IGLL1: variants seen among roughly 807,000 people sequenced by gnomAD.
The protein encoded by IGLL1 is immunoglobulin lambda-like polypeptide 1.
A neutral mutation model predicts 10.5 loss-of-function variants in IGLL1; 10 were observed. The observed-to-expected ratio is 0.95, with a 90% CI of 0.59 to 1.62. IGLL1 has a LOEUF of 1.62. Among genes scored for constraint, IGLL1 ranks in the 40% most tolerant of loss-of-function variants. IGLL1 has a pLI of 0.00. For missense variants in IGLL1, 284 were observed against 278.7 expected (o/e 1.02, Z -0.14); for synonymous variants, 141 against 122.7 (o/e 1.15, Z -0.99).
At chr22:23,575,820 G>C (rs754686830) in intron 1 of IGLL1, among the ~76,000 whole-genome samples, 7 of 152,100 alleles carry the variant, frequency 4.6e-5, no homozygotes, top group African/African-American at 9.7e-5. Flanking sequence ...TGGTGTCTCC[G>C]CTGGATGCGA....
Position 23,580,260 on chromosome 22 carries a change from T to C in IGLL1, c.-70A>G. On this transcript the variant is annotated 5_prime_UTR_variant, in exon 1 of 3. Coordinates refer to ENST00000330377, the MANE Select transcript of IGLL1 (RefSeq NM_020070.4). ...GGCTCCCTAGAGAGTGGTGCCCTGGTCCCTCTCGCTGGCAGCAGCTGTCCC... is the reference window on the plus strand; with the variant it reads ...GGCTCCCTAGAGAGTGGTGCCCTGGCCCCTCTCGCTGGCAGCAGCTGTCCC... 6.5e-7 allele frequency: 1 copy of C among 1,530,502 alleles called. No homozygotes were observed. The highest frequency in any genetic ancestry group is 8.7e-7 in the Non-Finnish European group (1 of 1,143,912). The allele number at this position is 1,530,502 out of a possible 1,614,324, so 94.8% of individuals were successfully genotyped here. A position where few individuals can be genotyped will look rare whatever the true frequency, so the allele number is the denominator to read the frequency against.
At position 23,573,342 on chromosome 22, in the gene IGLL1, C is replaced by G; in HGVS notation, c.566G>C (p.Arg189Pro). 6.2e-7 allele frequency: 1 copy of G among 1,613,996 alleles called. No individual in the cohort carries two copies. Among genetic ancestry groups the G allele is most frequent in the South Asian group, 1.1e-5 (1 of 91,074 alleles). The change falls in exon 3 of 3, where the codon CGC (arginine) becomes CCC (proline). Residue 189 changes from arginine to proline, a missense_variant. Transcript: ENST00000330377. ...LSLTPEQWRSRRSYSCQVMHE... is the reference protein window; with the variant it reads ...LSLTPEQWRSPRSYSCQVMHE... ...CATGACCTGGCAGCTGTAGCTTCTG[C>G]GGGACCTCCACTGCTCGGGCGTCAG... is the stretch of plus-strand genomic sequence containing the variant.
chr22:23,576,604 G>C (rs537783071), intron 1 of IGLL1, among the ~76,000 whole-genome samples: 1 of 152,056 alleles, frequency 6.6e-6, no homozygotes, highest in South Asian at 2.1e-4. Context: ...CTAATTTTTT[G>C]TATTTTCAGT....
chr22:23,580,262 C>T lies in IGLL1; in HGVS notation c.-72G>A, dbSNP rs2123706231. 1 of 1,530,130 alleles carries T rather than the reference C, an allele frequency of 6.5e-7. No individual in the cohort carries two copies. The highest frequency in any genetic ancestry group is 2.5e-5 in the East Asian group (1 of 40,736). The allele number at this position is 1,530,130 out of a possible 1,614,324, so 94.8% of individuals were successfully genotyped here. On this transcript the variant is annotated 5_prime_UTR_variant, in exon 1 of 3. Transcript: ENST00000330377. ...CTCCCTAGAGAGTGGTGCCCTGGTC[C>T]CTCTCGCTGGCAGCAGCTGTCCCAT...
chr22:23,576,198 G>C (rs1032876190), intron 1 of IGLL1, among the ~76,000 whole-genome samples: 4 of 151,740 alleles, frequency 2.6e-5, no homozygotes, highest in African/African-American at 9.7e-5. Flanking sequence ...CAACCCCTCA[G>C]CCAGAAACCT....
At position 23,573,433 on chromosome 22, in the gene IGLL1, C is replaced by T. The variant is rs139571703; in HGVS notation, c.475G>A (p.Gly159Ser). Reference protein sequence around the residue: ...WKADGTPITQGVEMTTPSKQS... With the variant: ...WKADGTPITQSVEMTTPSKQS... ...TTGGAGGGCGTGGTCATCTCCACGC[C>T]CTGGGTGATGGGGGTACCATCTGCC... Residue 159 changes from glycine to serine, a missense_variant, in exon 3 of 3, where the codon GGC (glycine) becomes AGC (serine). Coordinates refer to ENST00000330377, the MANE Select transcript of IGLL1 (RefSeq NM_020070.4). 54,796 of 1,612,944 alleles carry T rather than the reference C, an allele frequency of 0.034. 951 individuals are homozygous for T. The highest frequency in any genetic ancestry group is 0.045 in the South Asian group (4,100 of 91,056).
At chr22:23,576,580 G>C (rs1329375897) in intron 1 of IGLL1, among the ~76,000 whole-genome samples, 1 of 151,970 alleles carries the variant, frequency 6.6e-6, no homozygotes, top group African/African-American at 2.4e-5. Flanking sequence ...ACAGGCATGT[G>C]CCAGCACACT....
intron 1 of IGLL1, among the ~76,000 whole-genome samples, chr22:23,575,552 TTCCATCCGTCCGTCCA>T (rs1925015824): frequency 6.6e-6 from 1 of 152,226 alleles, no homozygotes; most frequent in Admixed American, 6.5e-5. Context: ...TGATCATTCA[TTCCATCCGTCCGTCCA>T]TCCATCTGTC....
Position 23,580,156 on chromosome 22 carries a change from G to T in IGLL1, c.35C>A (p.Ala12Asp), listed in dbSNP as rs775788164. The change falls in exon 1 of 3, where the codon GCC becomes GAC. Residue 12 changes from alanine (A) to aspartate (D), a missense_variant. Physicochemically the swap from Ala to Asp is moderately radical, Grantham distance 126. Coordinates refer to ENST00000330377, the MANE Select transcript of IGLL1 (RefSeq NM_020070.4). ...RPGTGQGGLE[A>D]PGEPGPNLRQ... ...GAGGTTGGGGCCTGGCTCACCAGGG[G>T]CCTCAAGGCCCCCCTGGCCTGTCCC... 1 of 1,549,052 alleles carries T rather than the reference G, an allele frequency of 6.5e-7. No individual in the cohort carries two copies. The highest frequency in any genetic ancestry group is 1.9e-5 in the Admixed American group (1 of 51,424).
intron 1 of IGLL1, among the ~76,000 whole-genome samples, chr22:23,575,935 C>G (rs550386926): frequency 2.9e-5 from 4 of 138,724 alleles, no homozygotes; most frequent in Admixed American, 1.4e-4. Flanking sequence ...TGCCTGGCTG[C>G]TGACTCCCCA....
intron 1 of IGLL1, among the ~76,000 whole-genome samples, chr22:23,576,799 A>C (rs1277358396): frequency 6.6e-6 from 1 of 152,196 alleles, no homozygotes; most frequent in Non-Finnish European, 1.5e-5. Context: ...CGTGGCACTA[A>C]GTACATTCAC....
intron 1 of IGLL1, among the ~76,000 whole-genome samples, chr22:23,576,257 G>GCGAACTTA (rs921369122): frequency 1.7e-4 from 25 of 149,768 alleles, no homozygotes; most frequent in Non-Finnish European, 1.8e-4. Flanking sequence ...AATGGCTTCT[G>GCGAACTTA]CGAACTTAGC....
At chr22:23,575,465 T>C (rs1416877742) in intron 1 of IGLL1, among the ~76,000 whole-genome samples, 3 of 152,134 alleles carry the variant, frequency 2.0e-5, no homozygotes, top group Admixed American at 6.5e-5. Flanking sequence ...CATTCCTGAC[T>C]CAAGAGGAGA....
chr22:23,577,942 C>T (rs1219087297), intron 1 of IGLL1, among the ~76,000 whole-genome samples: 3 of 148,650 alleles, frequency 2.0e-5, no homozygotes, highest in Non-Finnish European at 4.4e-5. Flanking sequence ...TGGAGTGCAG[C>T]GGTGCAATCT....
Position 23,580,241 on chromosome 22 carries a change from CT to C in IGLL1, c.-52del. The C allele has an allele frequency of 6.5e-7, 1 of 1,534,020 alleles. No homozygotes were observed. Among genetic ancestry groups the C allele is most frequent in the Non-Finnish European group, 8.7e-7 (1 of 1,146,162 alleles). Reference sequence around the variant, plus strand: ...TGGCCTGACTTGCAGTGTGGGCTCCCTAGAGAGTGGTGCCCTGGTCCCTCTC... The same window carrying C: ...TGGCCTGACTTGCAGTGTGGGCTCCCAGAGAGTGGTGCCCTGGTCCCTCTC... On this transcript the variant is annotated 5_prime_UTR_variant, in exon 1 of 3. It introduces an in-frame stop codon into an upstream open reading frame of the 5' UTR. Coordinates refer to ENST00000330377, the MANE Select transcript of IGLL1 (RefSeq NM_020070.4).
intron 1 of IGLL1, among the ~76,000 whole-genome samples, chr22:23,576,680 C>A (rs1402851670): frequency 6.6e-6 from 1 of 152,166 alleles, no homozygotes; most frequent in Non-Finnish European, 1.5e-5. Context: ...GATCTGCCCA[C>A]CTTGGCCTCT....
At chr22:23,573,958 G>C (rs577105533) in intron 2 of IGLL1, among the ~76,000 whole-genome samples, 1 of 151,258 alleles carries the variant, frequency 6.6e-6, no homozygotes, top group Non-Finnish European at 1.5e-5. Context: ...GATGTGGGGA[G>C]ACCCAAGCCT....
rs531464152 is a variant in IGLL1 at position 23,573,703 on chromosome 22, G to A, written c.323-118C>T. 1.8e-4 allele frequency: 135 copies of A among 746,814 alleles called. No homozygotes were observed. In the African/African-American group the frequency reaches 2.0e-3, roughly 11 times the overall value. The allele number at this position is 746,814 out of a possible 1,614,324, so 46.3% of individuals were successfully genotyped here. The stretch of plus-strand genomic sequence containing the variant: ...TGGTGTGGCCGCCTGGTCCACCCAG[G>A]GCCTCTCCTTCCCTCCTCATTCCCT... On this transcript the variant is annotated intron_variant, in intron 2 of 2. Transcript: ENST00000330377.
rs563789590 is a variant in IGLL1 at position 23,575,765 on chromosome 22, A to G, written c.207-683T>C. 5.9e-5 allele frequency among the ~76,000 whole-genome samples: 9 copies of G among 152,304 alleles called. No individual in the cohort carries two copies. The East Asian group carries it at 9.7e-4, about 16-fold the overall frequency. On this transcript the variant is annotated intron_variant, in intron 1 of 2. Coordinates refer to ENST00000330377, the MANE Select transcript of IGLL1 (RefSeq NM_020070.4). ...CCCCATCTCTCCCAGGCCATGGTCA[A>G]CAAGGCCCTCCTCATGGTCATGTCC...
Sources: gnomAD v4.1 joint callset for allele counts (sites outside exome capture counted in the v4.1 genomes callset) on GRCh38, gnomAD v4.1.1 for gene constraint, MANE v1.5 for transcripts, NCBI Gene and HGNC (gene_info 2026-07-23, HGNC 2026-07-21) for gene names.